Variants in NRXN3 observed in about 807,000 individuals in gnomAD.
NRXN3 encodes neurexin III.
In NRXN3, 32 loss-of-function variants were observed where a neutral mutation model predicts 137.6. That is an observed-to-expected ratio of 0.23 (90% CI 0.18 to 0.31). The LOEUF is 0.31. Ranked by LOEUF, NRXN3 falls within the 10% of genes least tolerant of loss-of-function variation. NRXN3 has a pLI of 1.00. For synonymous variants in NRXN3, 798 were observed against 784.5 expected, an observed-to-expected ratio of 1.02 and a Z score of -0.29; for missense variants, 1,574 against 2,062.5, an observed-to-expected ratio of 0.76 and a Z score of 4.59.
chr14:79,156,903 G>A (rs1419781291), intron 15 of NRXN3, among the ~76,000 whole-genome samples: 1 of 151,778 alleles, frequency 6.6e-6, no homozygotes, highest in African/African-American at 2.4e-5. Flanking sequence ...GCTGTCCTCT[G>A]CATGGTAGAA....
intron 15 of NRXN3, among the ~76,000 whole-genome samples, chr14:79,186,628 G>A (rs765227427): frequency 6.6e-6 from 1 of 152,170 alleles, no homozygotes; most frequent in Non-Finnish European, 1.5e-5. Flanking sequence ...AGGAGTAACA[G>A]ATCTCACTTG....
chr14:79,593,150 T>C (rs1272977107), intron 16 of NRXN3, among the ~76,000 whole-genome samples: 1 of 152,112 alleles, frequency 6.6e-6, no homozygotes, highest in Non-Finnish European at 1.5e-5. Context: ...AAAAAAACTG[T>C]TCACTGTGAG....
At chr14:78,672,275 A>G (rs1286937029) in intron 6 of NRXN3, among the ~76,000 whole-genome samples, 1 of 152,204 alleles carries the variant, frequency 6.6e-6, no homozygotes, top group African/African-American at 2.4e-5. Flanking sequence ...ATTACTCTTA[A>G]CAGAAGAACA....
intron 15 of NRXN3, among the ~76,000 whole-genome samples, chr14:79,031,743 A>G (rs994231305): frequency 3.3e-5 from 5 of 152,156 alleles, no homozygotes; most frequent in Admixed American, 6.6e-5. Context: ...TTGGCTCAAC[A>G]AAACAAGAGG....
chr14:79,123,391 T>C (rs546285719), intron 15 of NRXN3, among the ~76,000 whole-genome samples: 91 of 152,316 alleles, frequency 6.0e-4, no homozygotes, highest in Middle Eastern at 3.4e-3. Context: ...CTGGTATGTC[T>C]GCTAGGAAAT....
At chr14:78,199,704 G>A (rs1044782048) in intron 1 of NRXN3, among the ~76,000 whole-genome samples, 28 of 152,142 alleles carry the variant, frequency 1.8e-4, no homozygotes, top group Admixed American at 1.8e-3. Flanking sequence ...CTCAATTGGG[G>A]TTTGTTTCCT....
chr14:78,558,521 G>C (rs1337255894), intron 4 of NRXN3, among the ~76,000 whole-genome samples: 4 of 152,160 alleles, frequency 2.6e-5, no homozygotes, highest in Non-Finnish European at 4.4e-5. Context: ...TAACTTCTGT[G>C]CTCAGGTGTA....
rs541466266 is a variant in NRXN3 at position 78,700,989 on chromosome 14, C to G, written c.1222-8228C>G. On this transcript the variant is annotated intron_variant, in intron 6 of 20. Coordinates refer to ENST00000335750, the MANE Select transcript of NRXN3 (RefSeq NM_001330195.2). Reference sequence around the variant, plus strand: ...GTTTCACCATCTTGGCCAGCCTGGTCTTGAACTCCTGACCTTGTTATCCAC... The same window carrying G: ...GTTTCACCATCTTGGCCAGCCTGGTGTTGAACTCCTGACCTTGTTATCCAC... Among the ~76,000 whole-genome samples, 9 of 152,222 alleles carry G rather than the reference C, an allele frequency of 5.9e-5. No homozygotes were observed. The East Asian group carries it at 1.7e-3, about 29-fold the overall frequency.
rs77208024 is a variant in NRXN3, at chr14:78,943,780, G to T, written c.2276-13462G>T. ...ACTCTAATAACAGAAGCAAAACTGT[G>T]GATTAAGCTTATAAGGAAGGGATTT... is the stretch of plus-strand genomic sequence containing the variant. On this transcript the variant is annotated intron_variant, in intron 10 of 20. Transcript: ENST00000335750. 2.0e-5 allele frequency among the ~76,000 whole-genome samples: 3 copies of T among 149,724 alleles called. No homozygotes were observed. The Admixed American group carries it at 2.0e-4, about 10-fold the overall frequency.
At chr14:79,233,388 A>T (rs576206346) in intron 15 of NRXN3, among the ~76,000 whole-genome samples, 28 of 152,164 alleles carry the variant, frequency 1.8e-4, no homozygotes, top group African/African-American at 6.0e-4. Flanking sequence ...ATTCACATGC[A>T]CTCCAGTACA....
intron 4 of NRXN3, among the ~76,000 whole-genome samples, chr14:78,395,242 T>A (rs1267732054): frequency 6.6e-6 from 1 of 151,988 alleles, no homozygotes; most frequent in African/African-American, 2.4e-5. Flanking sequence ...TGATATGTTT[T>A]ATTTTTCCTT....
chr14:78,415,323 G>A (rs1470337967), intron 4 of NRXN3, among the ~76,000 whole-genome samples: 1 of 152,126 alleles, frequency 6.6e-6, no homozygotes, highest in Non-Finnish European at 1.5e-5. Context: ...CAGTTTTGTC[G>A]AGGAGAAAAG....
At chr14:78,496,974 G>A (rs2095795669) in intron 4 of NRXN3, among the ~76,000 whole-genome samples, 1 of 152,066 alleles carries the variant, frequency 6.6e-6, no homozygotes, top group Non-Finnish European at 1.5e-5. Flanking sequence ...TAAGATGCTT[G>A]TGTTGGCCTC....
intron 15 of NRXN3, among the ~76,000 whole-genome samples, chr14:79,276,218 A>G (rs2080256797): frequency 6.6e-6 from 1 of 152,200 alleles, no homozygotes; most frequent in Non-Finnish European, 1.5e-5. Context: ...TATAGGCTCT[A>G]AAAGACCTAA....
rs576697067 is a variant in NRXN3 at position 79,838,021 on chromosome 14, A to T, written c.4094-23321A>T. ...AAAAAATTCTACCTAGTAATCCAAG[A>T]TAAGCAGTGTGTTCCTAGTGAGTTG... On this transcript the variant is annotated intron_variant, in intron 20 of 20. Transcript: ENST00000335750. 6.4e-3 allele frequency among the ~76,000 whole-genome samples: 972 copies of T among 152,298 alleles called. 6 individuals carry two copies. The highest frequency in any genetic ancestry group is 8.1e-3 in the Non-Finnish European group (554 of 68,014).
At chr14:79,760,576 A>AT (rs1412135248) in intron 19 of NRXN3, 1 of 151,362 alleles carries the variant, frequency 6.6e-6, no homozygotes, top group African/African-American at 2.5e-5. Flanking sequence ...TAAAAAAAAA[A>AT]TTTTTCACAA....
intron 15 of NRXN3, among the ~76,000 whole-genome samples, chr14:79,229,708 G>A (rs909823091): frequency 2.0e-5 from 3 of 152,086 alleles, no homozygotes; most frequent in Non-Finnish European, 4.4e-5. Context: ...TCCCAGTGGA[G>A]AGCAGCTCAC....
intron 10 of NRXN3, among the ~76,000 whole-genome samples, chr14:78,881,996 C>T (rs1212364341): frequency 2.0e-5 from 3 of 151,728 alleles, no homozygotes; most frequent in South Asian, 2.1e-4. Flanking sequence ...GCTGCTCCAG[C>T]CATGGCTAAA....
intron 10 of NRXN3, among the ~76,000 whole-genome samples, chr14:78,828,000 A>G (rs2098971824): frequency 1.3e-5 from 2 of 152,226 alleles, no homozygotes; most frequent in Non-Finnish European, 2.9e-5. Context: ...ATTGATTTGT[A>G]ACAAAGAATG....
Sources: gnomAD v4.1 joint callset for allele counts (sites outside exome capture counted in the v4.1 genomes callset) on GRCh38, gnomAD v4.1.1 for gene constraint, MANE v1.5 for transcripts, NCBI Gene and HGNC (gene_info 2026-07-23, HGNC 2026-07-21) for gene names.